Variants in MPP7 observed in about 807,000 individuals in gnomAD.
The protein encoded by MPP7 is MAGUK p55 subfamily member 7.
MPP7 carries 60 observed loss-of-function variants against 76.5 expected under a neutral mutation model. The observed-to-expected ratio is 0.78, with a 90% confidence interval of 0.64 to 0.97. MPP7 has a LOEUF of 0.97. MPP7 is among the 50% of genes least tolerant of loss of function. The pLI is 0.00. For synonymous variants in MPP7, 237 were observed against 244.5 expected (o/e 0.97, Z 0.29); for missense variants, 641 against 694.0 (o/e 0.92, Z 0.86).
In MPP7 at chr10:28,254,010, A is replaced by G. The variant is rs978155221; in HGVS notation, c.-131-15275T>C. On this transcript the variant is annotated intron_variant, in intron 1 of 16. Coordinates refer to ENST00000683449, the MANE Select transcript of MPP7 (RefSeq NM_001318170.2). ...GAGTCTGTCTCACAAAAAAGAAAAAAAAAAAAAAAAAAAAAAAAAAAGACA... is the reference window on the plus strand; with the variant it reads ...GAGTCTGTCTCACAAAAAAGAAAAAGAAAAAAAAAAAAAAAAAAAAAGACA... Among the ~76,000 whole-genome samples the G allele has an allele frequency of 9.2e-3, 1,279 of 138,970 alleles. 7 individuals are homozygous for G. Among genetic ancestry groups the G allele is most frequent in the African/African-American group, 0.033 (1,206 of 36,676 alleles). 91.2% of individuals were successfully genotyped at this position (138,970 alleles called of 152,430 possible).
chr10:28,131,633 G>A lies in MPP7; in HGVS notation c.374C>T (p.Pro125Leu). 3.1e-6 allele frequency: 5 copies of A among 1,606,740 alleles called. No homozygotes were observed. Among genetic ancestry groups the A allele is most frequent in the Non-Finnish European group, 4.3e-6 (5 of 1,175,566 alleles). The change falls in exon 6 of 17, where the codon CCT becomes CTT. Residue 125 changes from proline (P) to leucine (L), a missense_variant. Coordinates refer to ENST00000683449, the MANE Select transcript of MPP7 (RefSeq NM_001318170.2). ...CTCATCGTCAATATCTTCAGGCATA[G>A]GAGGCAACACTGGGTCGTAATTCTT... ...AQKNYDPVLPPMPEDIDDEED... is the reference protein window; with the variant it reads ...AQKNYDPVLPLMPEDIDDEED...
At chr10:28,142,310 A>G (rs1016115811) in intron 5 of MPP7, among the ~76,000 whole-genome samples, 2 of 152,188 alleles carry the variant, frequency 1.3e-5, no homozygotes, top group Non-Finnish European at 2.9e-5. Flanking sequence ...GAAAAACACA[A>G]AATTTTTACT....
At chr10:28,168,292 C>A (rs771430472) in intron 3 of MPP7, among the ~76,000 whole-genome samples, 4 of 151,982 alleles carry the variant, frequency 2.6e-5, no homozygotes, top group Admixed American at 2.0e-4. Flanking sequence ...TGTTTTCTAC[C>A]CGTTTTCTCT....
chr10:28,095,104 T>A (rs988267773), intron 11 of MPP7, among the ~76,000 whole-genome samples: 1 of 151,680 alleles, frequency 6.6e-6, no homozygotes, highest in East Asian at 2.0e-4. Flanking sequence ...TTTCCTTTGG[T>A]CTTACTTTTT....
At chr10:28,220,617 A>G (rs1382441972) in intron 2 of MPP7, among the ~76,000 whole-genome samples, 9 of 152,184 alleles carry the variant, frequency 5.9e-5, no homozygotes, top group Non-Finnish European at 1.2e-4. Flanking sequence ...CATTCATTGT[A>G]TTAAGTGGTA....
Position 28,315,310 on chromosome 10 carries a change from AG to A in MPP7, c.-132+14618del, listed in dbSNP as rs1322438724. On this transcript the variant is annotated intron_variant, in intron 2 of 11. Transcript: ENST00000441595. ...GAGGGAGAGAGGGAGAAAGGAAAAA[AG>A]GAAGGAAGGAAAGAGAGGGAAAGAA... 2.7e-5 allele frequency among the ~76,000 whole-genome samples: 4 copies of A among 148,174 alleles called. No homozygotes were observed. The East Asian group carries it at 8.2e-4, about 30-fold the overall frequency.
chr10:28,295,816 C>A (rs1306884079), intron 1 of MPP7, among the ~76,000 whole-genome samples: 1 of 152,236 alleles, frequency 6.6e-6, no homozygotes, highest in African/African-American at 2.4e-5. Flanking sequence ...ACTTTTCTCC[C>A]CAACTCAAGT....
At chr10:28,148,164 T>G (rs1835769908) in intron 4 of MPP7, among the ~76,000 whole-genome samples, 1 of 152,204 alleles carries the variant, frequency 6.6e-6, no homozygotes, top group African/African-American at 2.4e-5. Flanking sequence ...TATAATGGGT[T>G]GACAGCTAGC....
intron 2 of MPP7, among the ~76,000 whole-genome samples, chr10:28,230,791 G>A (rs918302278): frequency 1.3e-5 from 2 of 152,128 alleles, no homozygotes; most frequent in African/African-American, 4.8e-5. Context: ...ATTCCAGCCT[G>A]GGAGACAGAG....
At chr10:28,101,505 G>A (rs1853824031) in intron 11 of MPP7, among the ~76,000 whole-genome samples, 1 of 151,998 alleles carries the variant, frequency 6.6e-6, no homozygotes, top group African/African-American at 2.4e-5. Flanking sequence ...ACAACAAATG[G>A]ACAGTTTCAT....
chr10:28,071,231 T>C (rs1488159457), intron 12 of MPP7, among the ~76,000 whole-genome samples: 1 of 152,138 alleles, frequency 6.6e-6, no homozygotes, highest in Non-Finnish European at 1.5e-5. Context: ...ACAGGAGGCT[T>C]TGAAAGAATA....
intron 1 of MPP7, among the ~76,000 whole-genome samples, chr10:28,278,131 G>GTA (rs1184743156): frequency 6.6e-6 from 1 of 151,900 alleles, no homozygotes; most frequent in Admixed American, 6.6e-5. Context: ...AACTAACACT[G>GTA]TTACCAAAAA....
chr10:28,281,203 C>A (rs897548513), intron 1 of MPP7, among the ~76,000 whole-genome samples: 10 of 151,988 alleles, frequency 6.6e-5, no homozygotes, highest in African/African-American at 2.4e-4. Flanking sequence ...CCTCAGACCC[C>A]CAAGTAGCTG....
chr10:28,171,789 C>A (rs1249210949), intron 3 of MPP7, among the ~76,000 whole-genome samples: 4 of 152,138 alleles, frequency 2.6e-5, no homozygotes, highest in Non-Finnish European at 5.9e-5. Flanking sequence ...TAGTTTTGTT[C>A]ATTCTTTGTA....
At chr10:28,131,395 C>T (rs1451152585) in intron 6 of MPP7, among the ~76,000 whole-genome samples, 165 bp downstream of exon 6, 1 of 152,076 alleles carries the variant, frequency 6.6e-6, no homozygotes, top group Non-Finnish European at 1.5e-5. Context: ...TGTCTATTAA[C>T]CTTCACTTTC....
chr10:28,163,103 G>A (rs1419801883), intron 3 of MPP7, among the ~76,000 whole-genome samples: 1 of 152,148 alleles, frequency 6.6e-6, no homozygotes, highest in Non-Finnish European at 1.5e-5. Flanking sequence ...TGAGGGTAGT[G>A]AAGGGGTGGA....
intron 12 of MPP7, among the ~76,000 whole-genome samples, chr10:28,086,120 C>T (rs923400223): frequency 1.3e-5 from 2 of 152,068 alleles, no homozygotes; most frequent in Admixed American, 1.3e-4. Flanking sequence ...AGGGGAACAT[C>T]ACACATCAGG....
chr10:28,313,853 A>ATTTTTTTTTTTTTTTTTTTTTTTT lies in MPP7; in HGVS notation c.-132+16075_-132+16076insAAAAAAAAAAAAAAAAAAAAAAAA, dbSNP rs1192149562. The stretch of plus-strand genomic sequence containing the variant: ...AGGTGTGTGCCACTATACCTGGCTA[A>ATTTTTTTTTTTTTTTTTTTTTTTT]TTTTTTTTTTTTTATTTTTTTTATT... On this transcript the variant is annotated intron_variant, in intron 2 of 11. Transcript: ENST00000441595. Among the ~76,000 whole-genome samples the ATTTTTTTTTTTTTTTTTTTTTTTT allele has an allele frequency of 1.8e-4, 6 of 32,676 alleles. 3 individuals carry two copies. The highest frequency in any genetic ancestry group is 3.2e-4 in the Non-Finnish European group (6 of 18,990). 21.4% of individuals were successfully genotyped at this position (32,676 alleles called of 152,430 possible). A position where few individuals can be genotyped will look rare whatever the true frequency, so the allele number is the denominator to read the frequency against.
At chr10:28,226,908 G>A (rs1196308131) in intron 2 of MPP7, among the ~76,000 whole-genome samples, 1 of 152,230 alleles carries the variant, frequency 6.6e-6, no homozygotes, top group East Asian at 1.9e-4. Flanking sequence ...TAACAGTAAA[G>A]GCATGCAATG....
Sources: allele counts gnomAD v4.1 joint callset (sites outside exome capture counted in the v4.1 genomes callset), GRCh38; gene constraint gnomAD v4.1.1; transcripts MANE v1.5; gene names NCBI Gene and HGNC (gene_info 2026-07-23, HGNC 2026-07-21).